Variants in MAF observed in about 807,000 individuals in gnomAD.
MAF encodes the protein MAF bZIP transcription factor.
In MAF, 10 loss-of-function variants were observed where a neutral mutation model predicts 22.0. The observed-to-expected ratio is 0.45, with a 90% CI of 0.28 to 0.77. The LOEUF is 0.77. MAF is among the 30% of genes least tolerant of loss of function. The probability of loss-of-function intolerance (pLI) is 0.12; values close to 1 mark genes in which losing one functional copy is unlikely to be tolerated. For synonymous variants in MAF, 337 were observed against 255.8 expected (o/e 1.32, Z -3.03); for missense variants, 544 against 548.4 (o/e 0.99, Z 0.08).
chr16:79,449,816 C>A, the MAF span, among the ~76,000 whole-genome samples: 6 of 152,290 alleles, frequency 3.9e-5, no homozygotes, highest in Middle Eastern at 3.4e-3. Flanking sequence ...GACTCAGATC[C>A]CCCAGGTAAC....
At chr16:79,488,268 G>A in the MAF span, among the ~76,000 whole-genome samples, 1 of 152,160 alleles carries the variant, frequency 6.6e-6, no homozygotes, top group African/African-American at 2.4e-5. Flanking sequence ...CAAACCTTGT[G>A]AGGACTTTAG....
the MAF span, among the ~76,000 whole-genome samples, chr16:79,409,003 C>T: frequency 7.1e-5 from 8 of 112,122 alleles, no homozygotes; most frequent in African/African-American, 1.4e-4. Context: ...TTTCAAATTG[C>T]GTGTGTCCCC....
chr16:79,390,004 TTAAAA>T, the MAF span, among the ~76,000 whole-genome samples: 1 of 117,788 alleles, frequency 8.5e-6, no homozygotes, highest in Admixed American at 8.4e-5. Flanking sequence ...AAAAAAAAAA[TTAAAA>T]TAAAAAAAAA....
the MAF span, among the ~76,000 whole-genome samples, chr16:79,530,623 C>G: frequency 1.3e-5 from 2 of 152,054 alleles, no homozygotes; most frequent in Admixed American, 1.3e-4. Context: ...AACATAAACA[C>G]CAAAATGTTA....
At chr16:79,429,556 T>C in the MAF span, among the ~76,000 whole-genome samples, 5 of 152,158 alleles carry the variant, frequency 3.3e-5, no homozygotes, top group Admixed American at 2.6e-4. Flanking sequence ...AGGCTGGCTC[T>C]TTACAGTTGA....
chr16:79,468,921 A>G, the MAF span, among the ~76,000 whole-genome samples: 2 of 152,142 alleles, frequency 1.3e-5, no homozygotes, highest in South Asian at 2.1e-4. Context: ...ATTGCCTTCA[A>G]TCAATCGTGG....
At chr16:79,367,926 T>C in the MAF span, among the ~76,000 whole-genome samples, 1 of 152,178 alleles carries the variant, frequency 6.6e-6, no homozygotes, top group Non-Finnish European at 1.5e-5. Flanking sequence ...AGAAATGCTT[T>C]CCAAAGAGAA....
the MAF span, among the ~76,000 whole-genome samples, chr16:79,366,427 C>T: frequency 6.6e-6 from 1 of 152,126 alleles, no homozygotes. Context: ...ATTCTCATAA[C>T]CATTCTAAGT....
At chr16:79,341,931 T>C in the MAF span, among the ~76,000 whole-genome samples, 2 of 152,218 alleles carry the variant, frequency 1.3e-5, no homozygotes, top group East Asian at 3.9e-4. Context: ...AGCAGCCAGA[T>C]GGAAAGTGAT....
At chr16:79,225,926 T>G in the MAF span, among the ~76,000 whole-genome samples, 1 of 152,202 alleles carries the variant, frequency 6.6e-6, no homozygotes, top group Non-Finnish European at 1.5e-5. Context: ...TTTACACTGT[T>G]GGTGAGAGTG....
At chr16:79,381,367 A>C in the MAF span, among the ~76,000 whole-genome samples, 3 of 152,242 alleles carry the variant, frequency 2.0e-5, no homozygotes, top group South Asian at 6.2e-4. Context: ...CCATACTCTG[A>C]ATCTTTAAGG....
chr16:79,474,458 G>A, the MAF span, among the ~76,000 whole-genome samples: 1 of 152,184 alleles, frequency 6.6e-6, no homozygotes, highest in East Asian at 1.9e-4. Context: ...AGCAAGGGTG[G>A]ATGTTAAAAT....
At chr16:79,322,838 G>A in the MAF span, among the ~76,000 whole-genome samples, 41,552 of 151,638 alleles carry the variant, frequency 0.27, 6,567 homozygotes, top group African/African-American at 0.45. Flanking sequence ...CCTGCCAAAG[G>A]GTTCTAGTTT....
chr16:79,211,578 T>G, the MAF span: 16 of 1,613,568 alleles, frequency 9.9e-6, no homozygotes, highest in Non-Finnish European at 1.4e-5. Context: ...TTCTTAAAAT[T>G]TTTTTTTGTC....
the MAF span, among the ~76,000 whole-genome samples, chr16:79,507,043 C>T: frequency 6.6e-6 from 1 of 151,816 alleles, no homozygotes; most frequent in South Asian, 2.1e-4. Context: ...TCCTATCTGT[C>T]AACCTCTGCT....
chr16:79,394,088 C>G, the MAF span, among the ~76,000 whole-genome samples: 1 of 152,254 alleles, frequency 6.6e-6, no homozygotes, highest in East Asian at 1.9e-4. Flanking sequence ...CGTTCTTCAC[C>G]GTCATTCTCT....
the MAF span, among the ~76,000 whole-genome samples, chr16:79,574,428 C>T: frequency 6.6e-6 from 1 of 152,170 alleles, no homozygotes; most frequent in Admixed American, 6.5e-5. Context: ...ATACATTATT[C>T]TCTTTTCTCT....
At chr16:79,376,778 G>C in the MAF span, among the ~76,000 whole-genome samples, 1 of 152,104 alleles carries the variant, frequency 6.6e-6, no homozygotes, top group Non-Finnish European at 1.5e-5. Context: ...CGTGGTGTTT[G>C]TTTTTTGTCC....
chr16:79,233,535 G>A, the MAF span, among the ~76,000 whole-genome samples: 2 of 152,154 alleles, frequency 1.3e-5, no homozygotes, highest in East Asian at 1.9e-4. Context: ...AGCATCACTG[G>A]CTAATCATCA....
Sources: allele counts gnomAD v4.1 joint callset (sites outside exome capture counted in the v4.1 genomes callset), GRCh38; gene constraint gnomAD v4.1.1; transcripts MANE v1.5; gene names NCBI Gene and HGNC (gene_info 2026-07-23, HGNC 2026-07-21).